The following TMEM156 variants were observed in gnomAD, a reference collection of about 807,000 sequenced individuals.
The protein encoded by TMEM156 is transmembrane protein 156.
Under a neutral mutation model 30.5 loss-of-function variants are expected in TMEM156, and 28 were observed. That is an observed-to-expected ratio of 0.92 (90% CI 0.68 to 1.26). The LOEUF (loss-of-function observed/expected upper bound fraction) is 1.26, where lower values mean the gene tolerates loss of function less well. TMEM156 is among the 50% of genes most tolerant of loss of function. The probability of loss-of-function intolerance (pLI) is 0.00; values close to 1 mark genes in which losing one functional copy is unlikely to be tolerated. For missense variants in TMEM156, 351 were observed against 340.6 expected (o/e 1.03, Z -0.24); for synonymous variants, 137 against 119.9 (o/e 1.14, Z -0.93).
At chr4:39,006,176 A>AT (rs1175721423) in intron 1 of TMEM156, among the ~76,000 whole-genome samples, 1 of 152,198 alleles carries the variant, frequency 6.6e-6, no homozygotes. Context: ...GATTACAGGC[A>AT]TGAACCACTG....
At chr4:39,006,316 A>C (rs1713734400) in intron 1 of TMEM156, among the ~76,000 whole-genome samples, 1 of 151,988 alleles carries the variant, frequency 6.6e-6, no homozygotes, top group Admixed American at 6.6e-5. Context: ...ATTTTTTCTA[A>C]GTTTTGATTT....
intron 1 of TMEM156, among the ~76,000 whole-genome samples, chr4:39,003,307 CA>C (rs541365976): frequency 6.6e-6 from 1 of 152,078 alleles, no homozygotes; most frequent in South Asian, 2.1e-4. Flanking sequence ...CTCAAATACA[CA>C]ATTTCATTAT....
chr4:39,016,383 A>AAG (rs1553882027), intron 1 of TMEM156, among the ~76,000 whole-genome samples: 1 of 149,610 alleles, frequency 6.7e-6, no homozygotes, highest in Non-Finnish European at 1.5e-5. Context: ...AAAAAAAAAA[A>AAG]AAGAAGAAGA....
At chr4:38,988,608 G>A (rs1292616194) in intron 4 of TMEM156, among the ~76,000 whole-genome samples, 5 of 151,824 alleles carry the variant, frequency 3.3e-5, no homozygotes, top group Admixed American at 6.6e-5. Context: ...TCAATGTCCA[G>A]CTCATCAGCT....
Position 38,985,554 on chromosome 4 carries a change from C to T in TMEM156, c.823+782G>A, listed in dbSNP as rs187197737. On this transcript the variant is annotated intron_variant, in intron 5 of 6. Coordinates refer to ENST00000381938, the MANE Select transcript of TMEM156 (RefSeq NM_024943.3). ...ACTGGAGGTTTGCTCGGCATCCTCC[C>T]ATTTTTGAAAACTGTTTACATGCCA... Among the ~76,000 whole-genome samples the T allele has an allele frequency of 1.1e-3, 170 of 152,282 alleles. No homozygotes were observed. The South Asian group carries it at 0.034, about 30-fold the overall frequency.
chr4:39,003,052 A>G (rs945718192), intron 1 of TMEM156, among the ~76,000 whole-genome samples: 1 of 152,146 alleles, frequency 6.6e-6, no homozygotes, highest in Non-Finnish European at 1.5e-5. Flanking sequence ...AATTTAAAAA[A>G]TGAAATAAAA....
chr4:39,003,270 A>C (rs1713506352), intron 1 of TMEM156, among the ~76,000 whole-genome samples: 1 of 152,160 alleles, frequency 6.6e-6, no homozygotes, highest in South Asian at 2.1e-4. Flanking sequence ...AATAATTCAC[A>C]TTTAATTTCC....
Position 38,993,927 on chromosome 4 carries a change from T to C in TMEM156, c.430A>G (p.Ser144Gly). Reference sequence around the variant, plus strand: ...AAGTGGTCAACCAGAGGAGCTACACTGAAGTTAAAGTGCTGACAAGGTGAA... The same window carrying C: ...AAGTGGTCAACCAGAGGAGCTACACCGAAGTTAAAGTGCTGACAAGGTGAA... ...FHSPCQHFNF[S>G]VAPLVDHLEE... The change falls in exon 3 of 7, where the codon AGT becomes GGT. Residue 144 changes from serine to glycine, a missense_variant. Physicochemically the swap from Ser to Gly is moderately conservative, Grantham distance 56. Transcript: ENST00000381938. 6.2e-7 allele frequency: 1 copy of C among 1,614,140 alleles called. No homozygotes were observed. Among genetic ancestry groups the C allele is most frequent in the Non-Finnish European group, 8.5e-7 (1 of 1,179,994 alleles).
intron 5 of TMEM156, among the ~76,000 whole-genome samples, chr4:38,974,372 A>G (rs1722750460): frequency 6.6e-6 from 1 of 151,862 alleles, no homozygotes; most frequent in Admixed American, 6.6e-5. Flanking sequence ...ATCCAGGCTG[A>G]TTTCATTTTA....
At position 39,007,572 on chromosome 4, in the gene TMEM156, C is replaced by T. The variant is rs546293456; in HGVS notation, c.89-8663G>A. On this transcript the variant is annotated intron_variant, in intron 1 of 6. Transcript: ENST00000381938. ...CGAGTTCAAACGATTCTCCTGCCTC[C>T]GCCTCCCAAGTAGCTGGGACTACAG... Among the ~76,000 whole-genome samples the T allele has an allele frequency of 1.1e-4, 16 of 151,996 alleles. No homozygotes were observed. The South Asian group carries it at 1.7e-3, about 16-fold the overall frequency.
chr4:39,022,149 C>T (rs1174752020), intron 1 of TMEM156, among the ~76,000 whole-genome samples: 1 of 152,210 alleles, frequency 6.6e-6, no homozygotes, highest in African/African-American at 2.4e-5. Flanking sequence ...GTGACTTTAA[C>T]TACATTCCTG....
chr4:38,984,763 A>G (rs1315289799), intron 5 of TMEM156, among the ~76,000 whole-genome samples: 1 of 152,198 alleles, frequency 6.6e-6, no homozygotes, highest in Non-Finnish European at 1.5e-5. Flanking sequence ...TAAGCCTCAA[A>G]AGGGTTCTTG....
At chr4:38,972,760 C>T (rs1420039866) in intron 5 of TMEM156, among the ~76,000 whole-genome samples, 1 of 152,158 alleles carries the variant, frequency 6.6e-6, no homozygotes, top group African/African-American at 2.4e-5. Context: ...CAGTCTTATC[C>T]TTCACCATTT....
rs745805769 is a variant in TMEM156, at chr4:38,988,873, C to G, written c.717G>C (p.Gln239His). 4.3e-6 allele frequency: 7 copies of G among 1,614,080 alleles called. No homozygotes were observed. The highest frequency in any genetic ancestry group is 1.7e-6 in the Non-Finnish European group (2 of 1,179,978). Residue 239 changes from glutamine to histidine, a missense_variant, in exon 4 of 7, where the codon CAG becomes CAC. Gln to His is a conservative substitution (Grantham distance 24). Coordinates refer to ENST00000381938, the MANE Select transcript of TMEM156 (RefSeq NM_024943.3). ...TACTCTGCCACTTTTGCACTCTTCT[C>G]TGGCCTTCAAGTATTTTGCGGATAG... ...ILTIRKILEG[Q>H]RRVQKWQSHR...
At chr4:38,994,503 G>A (rs1237661235) in intron 2 of TMEM156, among the ~76,000 whole-genome samples, 4 of 152,178 alleles carry the variant, frequency 2.6e-5, no homozygotes, top group African/African-American at 4.8e-5. Context: ...TAGGATTGGA[G>A]CATCTAAAAG....
rs1281798985 is a variant in TMEM156 at position 38,992,721 on chromosome 4, TATA to T, written c.619+1014_619+1016del. Among the ~76,000 whole-genome samples the T allele has an allele frequency of 5.4e-4, 27 of 50,308 alleles. No individual in the cohort carries two copies. In the South Asian group the frequency reaches 0.016, roughly 31 times the overall value. 33.0% of individuals were successfully genotyped at this position (50,308 alleles called of 152,430 possible). A position where few individuals can be genotyped will look rare whatever the true frequency, so the allele number is the denominator to read the frequency against. ...ATATAATATATATATATTATATATA[TATA>T]ATATATATATAATATATAATATATT... On this transcript the variant is annotated intron_variant, in intron 3 of 6. Transcript: ENST00000381938.
At chr4:38,996,691 G>A (rs764165647) in intron 2 of TMEM156, among the ~76,000 whole-genome samples, 8 of 152,100 alleles carry the variant, frequency 5.3e-5, no homozygotes, top group Non-Finnish European at 8.8e-5. Flanking sequence ...ACTGTCTGGC[G>A]GTTCCTCAAA....
At chr4:39,007,130 T>C (rs1341415702) in intron 1 of TMEM156, among the ~76,000 whole-genome samples, 1 of 152,172 alleles carries the variant, frequency 6.6e-6, no homozygotes, top group Non-Finnish European at 1.5e-5. Flanking sequence ...GTTTCCGGGT[T>C]CTCAATTTTG....
At chr4:38,979,291 G>C (rs1054865063) in intron 5 of TMEM156, among the ~76,000 whole-genome samples, 1 of 152,192 alleles carries the variant, frequency 6.6e-6, no homozygotes, top group Non-Finnish European at 1.5e-5. Context: ...TCCTGGCAGG[G>C]TCCTGGCCTT....
Sources: gnomAD v4.1 joint callset for allele counts (sites outside exome capture counted in the v4.1 genomes callset) on GRCh38, gnomAD v4.1.1 for gene constraint, MANE v1.5 for transcripts, NCBI Gene and HGNC (gene_info 2026-07-23, HGNC 2026-07-21) for gene names.